The following GPR158 variants were observed in gnomAD, a reference collection of about 807,000 sequenced individuals.
The protein encoded by GPR158 is metabotropic glycine receptor.
In GPR158, 30 loss-of-function variants were observed where a neutral mutation model predicts 78.2. The observed-to-expected ratio is 0.38, with a 90% CI of 0.29 to 0.52. The LOEUF (loss-of-function observed/expected upper bound fraction) is 0.52, where lower values mean the gene tolerates loss of function less well. Ranked by LOEUF, GPR158 falls within the 20% of genes least tolerant of loss-of-function variation. The pLI is 0.83. For missense variants in GPR158, 1,463 were observed against 1,523.5 expected (o/e 0.96, Z 0.66); for synonymous variants, 581 against 591.1 (o/e 0.98, Z 0.25).
intron 2 of GPR158, among the ~76,000 whole-genome samples, chr10:25,241,382 T>TTC (rs1853624347): frequency 7.7e-6 from 1 of 129,048 alleles, no homozygotes; most frequent in African/African-American, 3.4e-5. Flanking sequence ...CTCTCTTCTC[T>TTC]TCTCTTCTCT....
chr10:25,226,741 T>G (rs914279681), intron 2 of GPR158, among the ~76,000 whole-genome samples: 1 of 152,254 alleles, frequency 6.6e-6, no homozygotes, highest in Non-Finnish European at 1.5e-5. Context: ...GGTGTTCATT[T>G]GTACCTAGAA....
chr10:25,325,382 C>T (rs988543669), intron 2 of GPR158, among the ~76,000 whole-genome samples: 1 of 151,916 alleles, frequency 6.6e-6, no homozygotes, highest in African/African-American at 2.4e-5. Flanking sequence ...AGGTTTCCTT[C>T]TTTTTTAAGA....
intron 1 of GPR158, among the ~76,000 whole-genome samples, chr10:25,214,580 C>T (rs1289649876): frequency 1.3e-5 from 2 of 151,898 alleles, no homozygotes; most frequent in South Asian, 4.2e-4. Flanking sequence ...ATCAGGATAC[C>T]ATATATTATG....
intron 2 of GPR158, among the ~76,000 whole-genome samples, chr10:25,243,661 A>G (rs113626641): frequency 0.017 from 2,565 of 152,290 alleles, 58 homozygotes; most frequent in African/African-American, 0.049. Flanking sequence ...CACAGCACAT[A>G]CAATTTTATT....
chr10:25,176,191 C>G lies in GPR158; in HGVS notation c.771C>G (p.Gly257=). ...GCTGGCGGCGCAAGGACGGGCTCGGCGGGGACAAGAGCCACTTCAAGTGGT... is the reference window on the plus strand; with the variant it reads ...GCTGGCGGCGCAAGGACGGGCTCGGGGGGGACAAGAGCCACTTCAAGTGGT... ...GHSWRRKDGL[G]GDKSHFKWSP... The change falls in exon 1 of 11, where the codon GGC becomes GGG. Residue 257 remains glycine, a synonymous_variant. Transcript: ENST00000376351. The surrounding 1 kb of genome is among the most constrained non-coding windows in gnomAD (Gnocchi z 6.3). The G allele has an allele frequency of 6.3e-7, 1 of 1,579,060 alleles. No individual in the cohort carries two copies. Among genetic ancestry groups the G allele is most frequent in the Non-Finnish European group, 8.6e-7 (1 of 1,163,152 alleles).
chr10:25,252,363 G>GC (rs1483646855), intron 2 of GPR158, among the ~76,000 whole-genome samples: 18 of 152,308 alleles, frequency 1.2e-4, no homozygotes, highest in African/African-American at 4.1e-4. Context: ...GTGAGGAGCT[G>GC]CGTTCCTTTG....
intron 3 of GPR158, among the ~76,000 whole-genome samples, chr10:25,410,075 A>C (rs1314835416): frequency 6.6e-6 from 1 of 152,094 alleles, no homozygotes; most frequent in African/African-American, 2.4e-5. Flanking sequence ...AGTAAATTGC[A>C]TTTCTTTTAT....
At chr10:25,178,689 A>G (rs540453482) in intron 1 of GPR158, among the ~76,000 whole-genome samples, 1 of 152,322 alleles carries the variant, frequency 6.6e-6, no homozygotes, top group African/African-American at 2.4e-5. Flanking sequence ...TCACAAGGTA[A>G]GTGCTCCCCT....
rs552908639 is a variant in GPR158, at chr10:25,430,882, A to G, written c.1335+18409A>G. Among the ~76,000 whole-genome samples the G allele has an allele frequency of 3.3e-5, 5 of 151,952 alleles. No individual in the cohort carries two copies. In the South Asian group the frequency reaches 8.3e-4, roughly 25 times the overall value. ...TAATTCAACATCGATTAAAGACTTA[A>G]CCGTTAGACCTAAAACCATAAAAAC... On this transcript the variant is annotated intron_variant, in intron 4 of 10. Coordinates refer to ENST00000376351, the MANE Select transcript of GPR158 (RefSeq NM_020752.3).
intron 2 of GPR158, among the ~76,000 whole-genome samples, chr10:25,245,208 A>G (rs551445502): frequency 2.4e-4 from 37 of 152,346 alleles, no homozygotes; most frequent in African/African-American, 8.9e-4. Context: ...GTAAAGGAGG[A>G]GCCCAACAGG....
chr10:25,316,887 T>TTGTGTG (rs35949163), intron 2 of GPR158, among the ~76,000 whole-genome samples: 3 of 127,200 alleles, frequency 2.4e-5, no homozygotes, highest in Non-Finnish European at 4.7e-5. Flanking sequence ...ATGTATGTAT[T>TTGTGTG]TGTGTGTGTG....
At chr10:25,305,844 T>A (rs1018886845) in intron 2 of GPR158, among the ~76,000 whole-genome samples, 2 of 152,192 alleles carry the variant, frequency 1.3e-5, no homozygotes, top group Non-Finnish European at 2.9e-5. Context: ...TAGAGGCAAA[T>A]TAACCATGAA....
At chr10:25,474,714 C>T (rs1835557666) in intron 5 of GPR158, among the ~76,000 whole-genome samples, 2 of 152,094 alleles carry the variant, frequency 1.3e-5, no homozygotes, top group African/African-American at 4.8e-5. Context: ...TAGCCCAGTG[C>T]CTGTCACCGT....
chr10:25,219,643 G>T (rs1281968322), intron 1 of GPR158, among the ~76,000 whole-genome samples: 1 of 152,176 alleles, frequency 6.6e-6, no homozygotes, highest in Non-Finnish European at 1.5e-5. Flanking sequence ...TGAGCATGTA[G>T]GCACTAGGTA....
chr10:25,228,630 G>C (rs1853405451), intron 2 of GPR158, among the ~76,000 whole-genome samples: 1 of 152,168 alleles, frequency 6.6e-6, no homozygotes, highest in South Asian at 2.1e-4. Context: ...GGCATGTATG[G>C]AGTAGATGAG....
chr10:25,208,678 C>A (rs2130666114), intron 1 of GPR158, among the ~76,000 whole-genome samples: 1 of 151,708 alleles, frequency 6.6e-6, no homozygotes, highest in East Asian at 1.9e-4. Flanking sequence ...GCAAGAACAT[C>A]TCGACATTTC....
At chr10:25,390,329 G>A (rs1435041924) in intron 2 of GPR158, among the ~76,000 whole-genome samples, 2 of 152,224 alleles carry the variant, frequency 1.3e-5, no homozygotes, top group African/African-American at 4.8e-5. Flanking sequence ...AGAAGGCTGT[G>A]GGAAAGTGTG....
At chr10:25,527,124 A>T (rs1427923584) in intron 5 of GPR158, among the ~76,000 whole-genome samples, 1 of 152,198 alleles carries the variant, frequency 6.6e-6, no homozygotes, top group African/African-American at 2.4e-5. Context: ...ATAATAATAG[A>T]GCTTCAAAAT....
intron 2 of GPR158, among the ~76,000 whole-genome samples, chr10:25,258,067 G>A (rs1853915058): frequency 6.6e-6 from 1 of 152,114 alleles, no homozygotes; most frequent in African/African-American, 2.4e-5. Flanking sequence ...TAGTCTCTAG[G>A]GAACTAATTT....
Sources: allele counts gnomAD v4.1 joint callset (sites outside exome capture counted in the v4.1 genomes callset), GRCh38; gene constraint gnomAD v4.1.1; non-coding constraint Gnocchi (gnomAD v3.1); transcripts MANE v1.5; gene names NCBI Gene and HGNC (gene_info 2026-07-23, HGNC 2026-07-21).